The following EBF1 variants were observed in gnomAD, a reference collection of about 807,000 sequenced individuals.
EBF1 encodes EBF transcription factor 1.
Under a neutral mutation model 68.4 loss-of-function variants are expected in EBF1, and 10 were observed. That is an observed-to-expected ratio of 0.15 (90% confidence interval 0.09 to 0.25). The LOEUF is 0.25. Among genes scored for constraint, EBF1 ranks in the 10% least tolerant of loss-of-function variants. The pLI, the probability that EBF1 is intolerant of heterozygous loss-of-function variation, is 1.00. For missense variants in EBF1, 509 were observed against 794.4 expected (o/e 0.64, Z 4.32); for synonymous variants, 298 against 299.8 (o/e 0.99, Z 0.06).
At chr5:158,721,192 G>A (rs186887634) in intron 11 of EBF1, among the ~76,000 whole-genome samples, 1 of 152,288 alleles carries the variant, frequency 6.6e-6, no homozygotes, top group African/African-American at 2.4e-5. Context: ...TTAGATGACA[G>A]CCCTCTTACT....
chr5:158,960,179 T>C (rs1817890925), intron 6 of EBF1, among the ~76,000 whole-genome samples: 1 of 152,242 alleles, frequency 6.6e-6, no homozygotes, highest in Admixed American at 6.5e-5. Context: ...ATAAGGGCTA[T>C]AGTCATATTG....
intron 7 of EBF1, among the ~76,000 whole-genome samples, chr5:158,836,925 A>G (rs916412692): frequency 1.3e-5 from 2 of 152,194 alleles, no homozygotes; most frequent in African/African-American, 4.8e-5. Context: ...TTTGAGAATC[A>G]CAGGCAAGAG....
At chr5:158,730,367 G>T (rs1763854279) in intron 11 of EBF1, among the ~76,000 whole-genome samples, 2 of 152,334 alleles carry the variant, frequency 1.3e-5, no homozygotes, top group South Asian at 4.1e-4. Context: ...CTCAGGTACA[G>T]GGATGGGGAT....
chr5:158,933,256 T>C (rs955969631), intron 6 of EBF1, among the ~76,000 whole-genome samples: 1 of 152,236 alleles, frequency 6.6e-6, no homozygotes, highest in Non-Finnish European at 1.5e-5. Context: ...TGCTTTTTGC[T>C]AAAGGAAGCG....
chr5:158,778,431 T>C (rs1021989502), intron 9 of EBF1, among the ~76,000 whole-genome samples: 2 of 152,188 alleles, frequency 1.3e-5, no homozygotes, highest in Non-Finnish European at 2.9e-5. Flanking sequence ...ACTCTTTGAC[T>C]CCTTTCAGAT....
chr5:159,070,186 C>T (rs1777554919), intron 6 of EBF1, among the ~76,000 whole-genome samples: 1 of 152,134 alleles, frequency 6.6e-6, no homozygotes, highest in Admixed American at 6.6e-5. Flanking sequence ...TCACTGAGTG[C>T]AGGCTGGGTT....
intron 8 of EBF1, among the ~76,000 whole-genome samples, chr5:158,817,265 C>T (rs1393939124): frequency 6.6e-6 from 1 of 152,014 alleles, no homozygotes; most frequent in African/African-American, 2.4e-5. Context: ...GTCCCCTTTG[C>T]CTAGTGCTAT....
At chr5:158,808,895 T>C (rs1194610162) in intron 8 of EBF1, among the ~76,000 whole-genome samples, 1 of 152,200 alleles carries the variant, frequency 6.6e-6, no homozygotes, top group African/African-American at 2.4e-5. Flanking sequence ...CCCAAACAGT[T>C]ACTTGCCAAA....
intron 9 of EBF1, among the ~76,000 whole-genome samples, chr5:158,790,944 T>C (rs190046654): frequency 1.1e-4 from 17 of 152,234 alleles, no homozygotes; most frequent in Admixed American, 9.2e-4. Flanking sequence ...AAAAGAACAA[T>C]AGTGGAAGAA....
rs536861050 is a variant in EBF1, at chr5:158,898,702, A to T, written c.555-58592T>A. On this transcript the variant is annotated intron_variant, in intron 6 of 15. Coordinates refer to ENST00000313708, the MANE Select transcript of EBF1 (RefSeq NM_024007.5). ...CACTCAGTGTGGCTGTCATCCACGC[A>T]CTAAGCGGGGGATTATCTTTTTTGT... 5.1e-4 allele frequency among the ~76,000 whole-genome samples: 78 copies of T among 152,344 alleles called. 1 individual carries two copies. Among genetic ancestry groups the T allele is most frequent in the African/African-American group, 1.8e-3 (75 of 41,570 alleles).
intron 6 of EBF1, among the ~76,000 whole-genome samples, chr5:159,047,824 T>C (rs1025851557): frequency 1.3e-4 from 20 of 152,272 alleles, no homozygotes; most frequent in East Asian, 9.7e-4. Flanking sequence ...AGTAAATTCA[T>C]AGAAGCCTGT....
intron 6 of EBF1, among the ~76,000 whole-genome samples, chr5:158,950,110 G>A (rs1021396201): frequency 1.3e-5 from 2 of 152,274 alleles, no homozygotes; most frequent in African/African-American, 2.4e-5. Flanking sequence ...GTGGGCTAAG[G>A]AGACATGGAT....
intron 8 of EBF1, among the ~76,000 whole-genome samples, chr5:158,805,407 A>T (rs1781397807): frequency 6.6e-6 from 1 of 152,104 alleles, no homozygotes; most frequent in Non-Finnish European, 1.5e-5. Context: ...TTAAACCTTT[A>T]TGCTGAACTC....
intron 7 of EBF1, among the ~76,000 whole-genome samples, chr5:158,838,147 G>C (rs1359722399): frequency 2.0e-5 from 3 of 152,006 alleles, no homozygotes; most frequent in African/African-American, 7.2e-5. Context: ...CAAGAAACTA[G>C]AAACCTCCCC....
chr5:159,097,720 G>C (rs1363106560), intron 1 of EBF1: 8 of 233,466 alleles, frequency 3.4e-5, no homozygotes, highest in Non-Finnish European at 6.8e-5. Context: ...AACTGTCGCG[G>C]GTGGTCGCTG....
intron 6 of EBF1, among the ~76,000 whole-genome samples, chr5:158,883,977 C>T (rs772496637): frequency 7.9e-5 from 12 of 152,132 alleles, no homozygotes; most frequent in Non-Finnish European, 1.2e-4. Flanking sequence ...CCTTGGGAAC[C>T]GAGATGTCTT....
chr5:158,876,342 C>G (rs1358004561), intron 6 of EBF1, among the ~76,000 whole-genome samples: 1 of 152,116 alleles, frequency 6.6e-6, no homozygotes, highest in Admixed American at 6.5e-5. Flanking sequence ...ATTCATGTAT[C>G]TCTACCCTCA....
intron 6 of EBF1, among the ~76,000 whole-genome samples, chr5:158,940,471 A>G (rs1812998777): frequency 6.6e-6 from 1 of 152,224 alleles, no homozygotes; most frequent in Non-Finnish European, 1.5e-5. Flanking sequence ...GGGAAGGATC[A>G]GTAAACAAAA....
At chr5:158,854,319 G>A (rs1187732531) in intron 6 of EBF1, among the ~76,000 whole-genome samples, 3 of 152,194 alleles carry the variant, frequency 2.0e-5, no homozygotes, top group African/African-American at 2.4e-5. Flanking sequence ...AACAAACATA[G>A]TTCTTGCTTT....
Sources: gnomAD v4.1 joint callset for allele counts (sites outside exome capture counted in the v4.1 genomes callset) on GRCh38, gnomAD v4.1.1 for gene constraint, MANE v1.5 for transcripts, NCBI Gene and HGNC (gene_info 2026-07-23, HGNC 2026-07-21) for gene names.